Variants in PARD3B observed in about 807,000 individuals in gnomAD.
PARD3B encodes the protein par-3 family cell polarity regulator beta, also known as partitioning defective 3 homolog B.
Under a neutral mutation model 130.2 loss-of-function variants are expected in PARD3B, and 103 were observed. That is an observed-to-expected ratio of 0.79 (90% CI 0.67 to 0.93). PARD3B has a LOEUF of 0.93. Among genes scored for constraint, PARD3B ranks in the 40% least tolerant of loss-of-function variants. The pLI is 0.00. For missense variants in PARD3B, 1,609 were observed against 1,499.2 expected (o/e 1.07, Z -1.21); for synonymous variants, 583 against 553.2 (o/e 1.05, Z -0.76).
chr2:204,987,449 G>C (rs13382653), intron 3 of PARD3B, among the ~76,000 whole-genome samples: 1 of 152,176 alleles, frequency 6.6e-6, no homozygotes, highest in Non-Finnish European at 1.5e-5. Flanking sequence ...AGATTCTGTA[G>C]TTTGGGGAGA....
chr2:205,010,727 C>T (rs569094621), intron 3 of PARD3B, among the ~76,000 whole-genome samples: 3 of 152,170 alleles, frequency 2.0e-5, no homozygotes, highest in Admixed American at 2.0e-4. Flanking sequence ...ACATTCCAGA[C>T]ATGGATTTTT....
intron 16 of PARD3B, among the ~76,000 whole-genome samples, chr2:205,246,674 C>T (rs938324986): frequency 2.0e-5 from 3 of 152,128 alleles, no homozygotes; most frequent in Non-Finnish European, 4.4e-5. Context: ...CAAGTGTCTC[C>T]CGTGTTTGTG....
intron 2 of PARD3B, among the ~76,000 whole-genome samples, chr2:204,816,853 A>G (rs1198894736): frequency 6.6e-6 from 1 of 152,084 alleles, no homozygotes; most frequent in African/African-American, 2.4e-5. Flanking sequence ...CTTTTAGAGA[A>G]CAATTACATG....
At chr2:204,956,941 T>C (rs1192512169) in intron 2 of PARD3B, among the ~76,000 whole-genome samples, 7 of 152,182 alleles carry the variant, frequency 4.6e-5, no homozygotes, top group Non-Finnish European at 8.8e-5. Context: ...AAGGGCTTCA[T>C]GGATGCCACT....
At chr2:205,390,733 A>T (rs547623934) in intron 18 of PARD3B, among the ~76,000 whole-genome samples, 4 of 152,318 alleles carry the variant, frequency 2.6e-5, no homozygotes, top group African/African-American at 9.6e-5. Context: ...ATAAAAAAAA[A>T]AATCATTTCT....
intron 2 of PARD3B, among the ~76,000 whole-genome samples, chr2:204,811,994 G>A (rs2042978558): frequency 6.6e-6 from 1 of 151,956 alleles, no homozygotes; most frequent in Admixed American, 6.6e-5. Context: ...TAATGATCAT[G>A]TCCATTTTTC....
At chr2:205,016,524 T>C (rs953795379) in intron 3 of PARD3B, among the ~76,000 whole-genome samples, 2 of 152,124 alleles carry the variant, frequency 1.3e-5, no homozygotes, top group African/African-American at 4.8e-5. Flanking sequence ...ACTTTACCCA[T>C]AGGATCATTT....
rs1298289353 is a variant in PARD3B, at chr2:205,245,695, T to C, written c.2141-83T>C. 5 of 1,093,528 alleles carry C rather than the reference T, an allele frequency of 4.6e-6. No individual in the cohort carries two copies. The African/African-American group carries it at 4.7e-5, about 10-fold the overall frequency. 67.7% of individuals were successfully genotyped at this position (1,093,528 alleles called of 1,614,324 possible). A position where few individuals can be genotyped will look rare whatever the true frequency, so the allele number is the denominator to read the frequency against. On this transcript the variant is annotated intron_variant, in intron 15 of 22. Coordinates refer to ENST00000406610, the MANE Select transcript of PARD3B (RefSeq NM_001302769.2). ...TGCCAGTAAAAGATTTAACTTATTA[T>C]GAATCTGCATTAATTTACTGTTTAA...
At chr2:204,725,388 A>G (rs931452861) in intron 2 of PARD3B, among the ~76,000 whole-genome samples, 14 of 152,336 alleles carry the variant, frequency 9.2e-5, no homozygotes, top group African/African-American at 3.4e-4. Flanking sequence ...AGAAAATATG[A>G]TTAATGTAAA....
intron 4 of PARD3B, 72 bp downstream of exon 4, chr2:205,047,762 C>A: frequency 9.8e-7 from 1 of 1,015,232 alleles, no homozygotes; most frequent in Non-Finnish European, 1.5e-6. Flanking sequence ...TGGGACTTTG[C>A]AGTTTTAAAC....
chr2:205,234,363 C>A (rs1319792254), intron 15 of PARD3B, among the ~76,000 whole-genome samples: 1 of 152,100 alleles, frequency 6.6e-6, no homozygotes, highest in Non-Finnish European at 1.5e-5. Context: ...AAAAGACATA[C>A]CCTGCTAACA....
chr2:205,610,730 G>C (rs1351935696), intron 22 of PARD3B, among the ~76,000 whole-genome samples: 1 of 152,132 alleles, frequency 6.6e-6, no homozygotes, highest in Non-Finnish European at 1.5e-5. Flanking sequence ...CAGTCATTCT[G>C]TGTTGGACCC....
chr2:205,603,914 A>T (rs2054886141), intron 22 of PARD3B, among the ~76,000 whole-genome samples: 1 of 152,142 alleles, frequency 6.6e-6, no homozygotes, highest in South Asian at 2.1e-4. Flanking sequence ...TATTTTGCAG[A>T]CCTGTTGATG....
intron 1 of PARD3B, among the ~76,000 whole-genome samples, chr2:204,571,339 T>C (rs1315812337): frequency 6.6e-6 from 1 of 152,212 alleles, no homozygotes; most frequent in Non-Finnish European, 1.5e-5. Flanking sequence ...TCCCCAGCCA[T>C]AAGAGTGTTT....
chr2:204,744,570 A>T (rs1182991475), intron 2 of PARD3B, among the ~76,000 whole-genome samples: 1 of 152,162 alleles, frequency 6.6e-6, no homozygotes, highest in Non-Finnish European at 1.5e-5. Flanking sequence ...AATGGCTGAA[A>T]CAAGATCTAA....
intron 2 of PARD3B, among the ~76,000 whole-genome samples, chr2:204,931,407 T>A (rs572037379): frequency 3.2e-4 from 48 of 152,234 alleles, no homozygotes; most frequent in South Asian, 4.1e-4. Context: ...ATCAACTTTC[T>A]TATCAATTTA....
rs1440095744 is a variant in PARD3B at position 205,229,445 on chromosome 2, A to G, written c.2141-16333A>G. ...GTGGTCTTGGATAAGATCTGGGAGA[A>G]TTAATTCCCTGAAATTACCAGGTAG... is the stretch of plus-strand genomic sequence containing the variant. On this transcript the variant is annotated intron_variant, in intron 15 of 22. Coordinates refer to ENST00000406610, the MANE Select transcript of PARD3B (RefSeq NM_001302769.2). This position sits in a 1 kb window ranked among gnomAD's most constrained non-coding sequence, Gnocchi z 5.2. 6.6e-6 allele frequency among the ~76,000 whole-genome samples: 1 copy of G among 152,188 alleles called. No individual in the cohort carries two copies. The highest frequency in any genetic ancestry group is 1.5e-5 in the Non-Finnish European group (1 of 68,028).
At chr2:205,336,915 T>C (rs2043333125) in intron 18 of PARD3B, among the ~76,000 whole-genome samples, 1 of 151,992 alleles carries the variant, frequency 6.6e-6, no homozygotes, top group Non-Finnish European at 1.5e-5. Context: ...AAGGAATACT[T>C]GTGGGGTTGG....
intron 18 of PARD3B, among the ~76,000 whole-genome samples, chr2:205,386,962 G>T (rs2045682268): frequency 6.6e-6 from 1 of 152,070 alleles, no homozygotes; most frequent in African/African-American, 2.4e-5. Flanking sequence ...AATGAAAATG[G>T]AATATTTTTC....
Sources: allele counts gnomAD v4.1 joint callset (sites outside exome capture counted in the v4.1 genomes callset), GRCh38; gene constraint gnomAD v4.1.1; non-coding constraint Gnocchi (gnomAD v3.1); transcripts MANE v1.5; gene names NCBI Gene and HGNC (gene_info 2026-07-23, HGNC 2026-07-21).